The following SCARF1 variants were observed in gnomAD, a reference collection of about 807,000 sequenced individuals.
The protein encoded by SCARF1 is acetyl LDL receptor.
Under a neutral mutation model 76.3 loss-of-function variants are expected in SCARF1, and 49 were observed. That is an observed-to-expected ratio of 0.64 (90% CI 0.51 to 0.81). The LOEUF (loss-of-function observed/expected upper bound fraction) is 0.81. Among genes scored for constraint, SCARF1 ranks in the 40% least tolerant of loss-of-function variants. The pLI is 0.00. For synonymous variants in SCARF1, 495 were observed against 474.6 expected, an observed-to-expected ratio of 1.04 and a Z score of -0.56; for missense variants, 1,098 against 1,143.9, an observed-to-expected ratio of 0.96 and a Z score of 0.58.
intron 8 of SCARF1, 196 bp downstream of exon 8, chr17:1,638,610 G>A: frequency 5.4e-6 from 3 of 558,020 alleles, no homozygotes; most frequent in Non-Finnish European, 8.5e-6. Flanking sequence ...GACCTACGTG[G>A]GCGACAAGGC....
At position 1,634,602 on chromosome 17, in the gene SCARF1, C is replaced by G. The variant is rs1193133066; in HGVS notation, c.*156G>C. ...AGGCCTTCCTGGGCCCCTCCGGGAG[C>G]ACTGCCAGGGGCCTGGGCCAACTGG... On this transcript the variant is annotated 3_prime_UTR_variant, in exon 11 of 11. Transcript: ENST00000263071. The G allele has an allele frequency of 1.9e-6, 2 of 1,027,440 alleles. No individual in the cohort carries two copies. The highest frequency in any genetic ancestry group is 1.6e-5 in the African/African-American group (1 of 61,702). The allele number at this position is 1,027,440 out of a possible 1,614,324, so 63.6% of individuals were successfully genotyped here.
chr17:1,640,635 A>G lies in SCARF1; in HGVS notation c.823T>C (p.Ser275Pro). Residue 275 changes from serine (S) to proline (P), a missense_variant, in exon 5 of 11, where the codon TCT (serine) becomes CCT (proline). Coordinates refer to ENST00000263071, the MANE Select transcript of SCARF1 (RefSeq NM_003693.4). This position sits in a 1 kb window ranked among gnomAD's most constrained non-coding sequence, Gnocchi z 4.7. ...CGRCKHNEPC[S>P]PDTGSCESCE... ...GACTCACAGCTGCCTGTGTCTGGAG[A>G]GCACGGCTCATTGTGTTTGCAGCGG... 1 of 1,612,506 alleles carries G rather than the reference A, an allele frequency of 6.2e-7. No homozygotes were observed. Among genetic ancestry groups the G allele is most frequent in the Non-Finnish European group, 8.5e-7 (1 of 1,179,680 alleles).
chr17:1,635,206 T>C lies in SCARF1; in HGVS notation c.2045A>G (p.Gln682Arg). Residue 682 changes from glutamine (Q) to arginine (R), a missense_variant, in exon 11 of 11, where the codon CAG becomes CGG. Transcript: ENST00000263071. ...CGTGGTCACAGGGCCCGAGCTCTCC[T>C]GGACGCTGCCCTCAATGGCTTCCAC... ...EHVEAIEGSV[Q>R]ESSGPVTTIY... 1 of 1,613,312 alleles carries C rather than the reference T, an allele frequency of 6.2e-7. No homozygotes were observed. Among genetic ancestry groups the C allele is most frequent in the South Asian group, 1.1e-5 (1 of 91,086 alleles).
rs200330951 is a variant in SCARF1 at position 1,636,806 on chromosome 17, C to T, written c.1536G>A (p.Pro512=). ...EVPFNHSFIE[P]PSAGWATDDS... ...CATCAGTGGCCCAGCCGGCAGAGGG[C>T]GGCTCGATGAAGCTGTGGTTGAAGG... is the stretch of plus-strand genomic sequence containing the variant. The change falls in exon 10 of 11, where the codon CCG becomes CCA. Residue 512 remains proline, a synonymous_variant. Coordinates refer to ENST00000263071, the MANE Select transcript of SCARF1 (RefSeq NM_003693.4). 8 of 1,613,852 alleles carry T rather than the reference C, an allele frequency of 5.0e-6. No homozygotes were observed. The highest frequency in any genetic ancestry group is 2.7e-5 in the African/African-American group (2 of 74,912).
Position 1,644,718 on chromosome 17 carries a change from G to A in SCARF1, c.265+116C>T, listed in dbSNP as rs1035435370. Reference sequence around the variant, plus strand: ...GACCGCAATTCCTCAGTGAAGCTGGGGGGGATTCTGGCCCTGCTGTCCTGA... The same window carrying A: ...GACCGCAATTCCTCAGTGAAGCTGGAGGGGATTCTGGCCCTGCTGTCCTGA... On this transcript the variant is annotated intron_variant, in intron 3 of 10. Coordinates refer to ENST00000263071, the MANE Select transcript of SCARF1 (RefSeq NM_003693.4). The surrounding 1 kb of genome is among the most constrained non-coding windows in gnomAD (Gnocchi z 4.8). 4.2e-6 allele frequency: 4 copies of A among 944,942 alleles called. No individual in the cohort carries two copies. Among genetic ancestry groups the A allele is most frequent in the African/African-American group, 1.6e-5 (1 of 61,720 alleles). The allele number at this position is 944,942 out of a possible 1,614,324, so 58.5% of individuals were successfully genotyped here.
In SCARF1 at chr17:1,645,674, C is replaced by G. The variant is rs151121661; in HGVS notation, c.24G>C (p.Pro8=). ...TCCCCCGAGTCCAGAGCAGCAGCAG[C>G]GGGAGCAGCAGCCCCAGCCCCATGG... MGLGLLL[P]LLLLWTRGTQ... is the part of the protein sequence containing the mutation. The change falls in exon 1 of 11, where the codon CCG becomes CCC. Residue 8 remains proline (P), a synonymous_variant. Transcript: ENST00000263071. This position sits in a 1 kb window ranked among gnomAD's most constrained non-coding sequence, Gnocchi z 6.3. 21 of 1,607,026 alleles carry G rather than the reference C, an allele frequency of 1.3e-5. No individual in the cohort carries two copies. Among genetic ancestry groups the G allele is most frequent in the Non-Finnish European group, 1.8e-5 (21 of 1,178,814 alleles).
In SCARF1 at chr17:1,644,020, C is replaced by G; in HGVS notation, c.266-53G>C. The G allele has an allele frequency of 4.8e-6, 6 of 1,245,578 alleles. No individual in the cohort carries two copies. The highest frequency in any genetic ancestry group is 6.1e-6 in the Non-Finnish European group (6 of 985,398). 77.2% of individuals were successfully genotyped at this position (1,245,578 alleles called of 1,614,324 possible). ...GCGGGCTCAGGGCCGCGCGCAGACC[C>G]TTACCCTGCGTCCCCTTCCTCAAGG... On this transcript the variant is annotated intron_variant, in intron 3 of 10. Coordinates refer to ENST00000263071, the MANE Select transcript of SCARF1 (RefSeq NM_003693.4). This position sits in a 1 kb window ranked among gnomAD's most constrained non-coding sequence, Gnocchi z 4.8.
intron 8 of SCARF1, 68 bp from the exon 9 acceptor site, chr17:1,637,130 G>C: frequency 6.5e-7 from 1 of 1,541,618 alleles, no homozygotes; most frequent in East Asian, 2.3e-5. Context: ...ACCTTGGCAG[G>C]GTGTGACAGG....
In SCARF1 at chr17:1,635,563, G is replaced by A. The variant is rs375835551; in HGVS notation, c.1688C>T (p.Ala563Val). Residue 563 changes from alanine to valine, a missense_variant, in exon 11 of 11, where the codon GCT becomes GTT. Coordinates refer to ENST00000263071, the MANE Select transcript of SCARF1 (RefSeq NM_003693.4). ...GGAGGCGTCCTCAGGGGGCGGGAAA[G>A]CACCTGCAGCCAGGCTGGCCTCTGA... is the stretch of plus-strand genomic sequence containing the variant. ...GSSEASLAAGAFPPPEDASTP... is the reference protein window; with the variant it reads ...GSSEASLAAGVFPPPEDASTP... 19 of 1,610,188 alleles carry A rather than the reference G, an allele frequency of 1.2e-5. No homozygotes were observed. In the East Asian group the frequency reaches 1.3e-4, roughly 11 times the overall value.
chr17:1,633,910 T>A lies in SCARF1; in HGVS notation c.*848A>T, dbSNP rs1484222907. ...ATTTTTTTAACAAAGATCATTGCTT[T>A]TTATTATACTTTATCAAATTCAATC... On this transcript the variant is annotated 3_prime_UTR_variant, in exon 11 of 11. Coordinates refer to ENST00000263071, the MANE Select transcript of SCARF1 (RefSeq NM_003693.4). 6.6e-6 allele frequency: 1 copy of A among 152,230 alleles called. No homozygotes were observed. Among genetic ancestry groups the A allele is most frequent in the Non-Finnish European group, 1.5e-5 (1 of 68,050 alleles). 9.4% of individuals were successfully genotyped at this position (152,230 alleles called of 1,614,324 possible). A position where few individuals can be genotyped will look rare whatever the true frequency, so the allele number is the denominator to read the frequency against.
At position 1,640,243 on chromosome 17, in the gene SCARF1, G is replaced by T. The variant is rs1035442007; in HGVS notation, c.1011-203C>A. 1.8e-5 allele frequency: 14 copies of T among 768,506 alleles called. No individual in the cohort carries two copies. In the Admixed American group the frequency reaches 2.9e-4, roughly 16 times the overall value. 47.6% of individuals were successfully genotyped at this position (768,506 alleles called of 1,614,324 possible). A position where few individuals can be genotyped will look rare whatever the true frequency, so the allele number is the denominator to read the frequency against. On this transcript the variant is annotated intron_variant, in intron 5 of 10. Coordinates refer to ENST00000263071, the MANE Select transcript of SCARF1 (RefSeq NM_003693.4). This position sits in a 1 kb window ranked among gnomAD's most constrained non-coding sequence, Gnocchi z 4.7. ...CTACAAGTCCCCAGAGGGCGAGGAG[G>T]GCAGGAAGCCTCAGAGGGGAGGGAG...
chr17:1,634,979 G>A lies in SCARF1; in HGVS notation c.2272C>T (p.Pro758Ser), dbSNP rs772974924. 6.2e-7 allele frequency: 1 copy of A among 1,613,520 alleles called. No individual in the cohort carries two copies. Among genetic ancestry groups the A allele is most frequent in the South Asian group, 1.1e-5 (1 of 91,072 alleles). ...GSVGQSPNSA[P>S]KAGLPGATGP... Reference sequence around the variant, plus strand: ...GTGGCCCCAGGAAGCCCAGCTTTTGGGGCTGAGTTGGGGCTCTGGCCGACA... The same window carrying A: ...GTGGCCCCAGGAAGCCCAGCTTTTGAGGCTGAGTTGGGGCTCTGGCCGACA... The change falls in exon 11 of 11, where the codon CCA becomes TCA. Residue 758 changes from proline to serine, a missense_variant. Coordinates refer to ENST00000263071, the MANE Select transcript of SCARF1 (RefSeq NM_003693.4).
rs1397321157 is a variant in SCARF1 at position 1,634,986 on chromosome 17, G to A, written c.2265C>T (p.Asn755=). Residue 755 remains asparagine, a synonymous_variant, in exon 11 of 11, where the codon AAC becomes AAT. Transcript: ENST00000263071. ...LASGSVGQSP[N]SAPKAGLPGA... ...CAGGAAGCCCAGCTTTTGGGGCTGA[G>A]TTGGGGCTCTGGCCGACAGAGCCAG... The A allele has an allele frequency of 1.9e-6, 3 of 1,613,862 alleles. No individual in the cohort carries two copies. Among genetic ancestry groups the A allele is most frequent in the African/African-American group, 1.3e-5 (1 of 75,056 alleles).
intron 8 of SCARF1, 178 bp downstream of exon 8, chr17:1,638,628 C>T (rs1598516850): frequency 2.7e-6 from 2 of 753,224 alleles, no homozygotes; most frequent in East Asian, 3.4e-5. Flanking sequence ...GGCCAGCCCT[C>T]CCCACCCCCA....
In SCARF1 at chr17:1,644,269, C is replaced by A; in HGVS notation, c.266-302G>T. On this transcript the variant is annotated intron_variant, in intron 3 of 10. Transcript: ENST00000263071. The surrounding 1 kb of genome is among the most constrained non-coding windows in gnomAD (Gnocchi z 4.8). ...CGTGGCACCGAGGTTGGTGGGCCTT[C>A]CTCCATGCCTGCTCCTCCCTGCCGA... 2.8e-6 allele frequency: 1 copy of A among 352,232 alleles called. No individual in the cohort carries two copies. Among genetic ancestry groups the A allele is most frequent in the East Asian group, 4.3e-5 (1 of 23,116 alleles). The allele number at this position is 352,232 out of a possible 1,614,324, so 21.8% of individuals were successfully genotyped here. A position where few individuals can be genotyped will look rare whatever the true frequency, so the allele number is the denominator to read the frequency against.
In SCARF1 at chr17:1,634,673, T is replaced by G. The variant is rs1909364148; in HGVS notation, c.*85A>C. On this transcript the variant is annotated 3_prime_UTR_variant, in exon 11 of 11. Transcript: ENST00000263071. ...CCTGTGGAGGCGCAGAGGCTCTGGT[T>G]TGTCTGTCCTGGCCCCGGGATCATT... 1 of 1,480,976 alleles carries G rather than the reference T, an allele frequency of 6.8e-7. No individual in the cohort carries two copies. 91.7% of individuals were successfully genotyped at this position (1,480,976 alleles called of 1,614,324 possible).
At chr17:1,639,766 G>C in intron 6 of SCARF1, 24 bp from the exon 7 acceptor site, 1 of 1,606,646 alleles carries the variant, frequency 6.2e-7, no homozygotes, top group Non-Finnish European at 8.5e-7. Context: ...TGGAGAGGCA[G>C]GCTGAGGGCT....
rs1188169025 is a variant in SCARF1 at position 1,634,329 on chromosome 17, CA to C, written c.*428del. On this transcript the variant is annotated 3_prime_UTR_variant, in exon 11 of 11. Coordinates refer to ENST00000263071, the MANE Select transcript of SCARF1 (RefSeq NM_003693.4). ...GCGTGAACCCGGGAGGCAGAGCTTGCAGTGAGCCGAGATCGCACCACTGCAC... is the reference window on the plus strand; with the variant it reads ...GCGTGAACCCGGGAGGCAGAGCTTGCGTGAGCCGAGATCGCACCACTGCAC... 1.7e-5 allele frequency: 5 copies of C among 293,038 alleles called. No individual in the cohort carries two copies. Among genetic ancestry groups the C allele is most frequent in the Non-Finnish European group, 3.1e-5 (5 of 161,548 alleles). 18.2% of individuals were successfully genotyped at this position (293,038 alleles called of 1,614,324 possible). A position where few individuals can be genotyped will look rare whatever the true frequency, so the allele number is the denominator to read the frequency against.
Position 1,634,657 on chromosome 17 carries a change from G to A in SCARF1, c.*101C>T, listed in dbSNP as rs1366676633. 2.1e-6 allele frequency: 3 copies of A among 1,450,128 alleles called. No homozygotes were observed. The highest frequency in any genetic ancestry group is 1.4e-5 in the African/African-American group (1 of 70,044). The allele number at this position is 1,450,128 out of a possible 1,614,324, so 89.8% of individuals were successfully genotyped here. A position where few individuals can be genotyped will look rare whatever the true frequency, so the allele number is the denominator to read the frequency against. On this transcript the variant is annotated 3_prime_UTR_variant, in exon 11 of 11. Transcript: ENST00000263071. The stretch of plus-strand genomic sequence containing the variant: ...GAAGCCTTGCCTTTTCCCTGTGGAG[G>A]CGCAGAGGCTCTGGTTTGTCTGTCC...
Sources: gnomAD v4.1 joint callset for allele counts on GRCh38, gnomAD v4.1.1 for gene constraint, Gnocchi (gnomAD v3.1) non-coding constraint, MANE v1.5 for transcripts, NCBI Gene and HGNC (gene_info 2026-07-23, HGNC 2026-07-21) for gene names.